RAD51B: variants seen among roughly 807,000 people sequenced by gnomAD.
RAD51B encodes the protein DNA repair protein RAD51 homolog 2.
Under a neutral mutation model 42.2 loss-of-function variants are expected in RAD51B, and 38 were observed. That is an observed-to-expected ratio of 0.90 (90% confidence interval 0.70 to 1.18). RAD51B has a LOEUF of 1.18. RAD51B is among the 50% of genes most tolerant of loss of function. RAD51B has a pLI of 0.00. For missense variants in RAD51B, 373 were observed against 400.7 expected, an observed-to-expected ratio of 0.93 and a Z score of 0.59; for synonymous variants, 154 against 145.2, an observed-to-expected ratio of 1.06 and a Z score of -0.43.
chr14:67,925,858 C>G (rs963386434), intron 7 of RAD51B, among the ~76,000 whole-genome samples: 1 of 152,210 alleles, frequency 6.6e-6, no homozygotes, highest in African/African-American at 2.4e-5. Flanking sequence ...GCGGCTTGCA[C>G]CCTCTGAAGC....
intron 7 of RAD51B, among the ~76,000 whole-genome samples, chr14:68,183,681 T>C (rs2079097237): frequency 6.6e-6 from 1 of 151,312 alleles, no homozygotes; most frequent in African/African-American, 2.5e-5. Context: ...GGCACGATGG[T>C]TCACACCTGT....
chr14:67,931,087 A>AT (rs914828934), intron 7 of RAD51B, among the ~76,000 whole-genome samples: 3 of 151,354 alleles, frequency 2.0e-5, no homozygotes, highest in African/African-American at 7.3e-5. Flanking sequence ...CGCCTGGCTA[A>AT]TTTTTTTGTA....
At chr14:68,033,508 T>C (rs1041239682) in intron 7 of RAD51B, among the ~76,000 whole-genome samples, 9 of 152,166 alleles carry the variant, frequency 5.9e-5, no homozygotes, top group African/African-American at 2.2e-4. Context: ...CCAGCTGTAT[T>C]TGGACAACAT....
chr14:68,501,813 C>A (rs1884939982), intron 10 of RAD51B, among the ~76,000 whole-genome samples: 1 of 152,268 alleles, frequency 6.6e-6, no homozygotes, highest in African/African-American at 2.4e-5. Context: ...AGCCCAGGTT[C>A]AGGCACAGGC....
chr14:68,536,667 A>G (rs1441315763), intron 10 of RAD51B, among the ~76,000 whole-genome samples: 1 of 152,222 alleles, frequency 6.6e-6, no homozygotes, highest in East Asian at 1.9e-4. Context: ...GTCTTCAAAA[A>G]TAAAAGTTCA....
At chr14:68,297,613 C>T (rs188394982) in intron 8 of RAD51B, among the ~76,000 whole-genome samples, 107 of 152,286 alleles carry the variant, frequency 7.0e-4, no homozygotes, top group African/African-American at 2.5e-3. Context: ...TAAAAATCCA[C>T]TCCTTGGGGG....
At chr14:68,550,655 A>T (rs546686018) in intron 10 of RAD51B, among the ~76,000 whole-genome samples, 2 of 152,318 alleles carry the variant, frequency 1.3e-5, no homozygotes, top group Admixed American at 1.3e-4. Context: ...ATGTTGTTTC[A>T]TGGTATTTGC....
At chr14:67,913,093 CTG>C (rs756158566) in intron 7 of RAD51B, among the ~76,000 whole-genome samples, 2 of 152,186 alleles carry the variant, frequency 1.3e-5, no homozygotes, top group African/African-American at 2.4e-5. Flanking sequence ...AAATCTTTGA[CTG>C]TTTGTCTTCA....
At chr14:68,066,586 C>T (rs2140454695) in intron 7 of RAD51B, among the ~76,000 whole-genome samples, 1 of 152,170 alleles carries the variant, frequency 6.6e-6, no homozygotes, top group East Asian at 1.9e-4. Flanking sequence ...GAAGGGAATA[C>T]AGAAACATAT....
chr14:68,495,580 G>A (rs952018312), intron 10 of RAD51B, among the ~76,000 whole-genome samples: 2 of 152,218 alleles, frequency 1.3e-5, no homozygotes, highest in Admixed American at 6.5e-5. Flanking sequence ...AAAGGAACTC[G>A]AAGCACGGGC....
intron 11 of RAD51B, among the ~76,000 whole-genome samples, chr14:68,658,678 G>T (rs1290637255): frequency 6.6e-6 from 1 of 152,134 alleles, no homozygotes; most frequent in Non-Finnish European, 1.5e-5. Context: ...CTGCCTCAGG[G>T]TTCTCCCTGC....
intron 7 of RAD51B, among the ~76,000 whole-genome samples, chr14:68,037,058 T>TCCTC (rs2076136869): frequency 1.8e-5 from 1 of 54,360 alleles, no homozygotes; most frequent in African/African-American, 8.9e-5. Context: ...CTTCCTTCCT[T>TCCTC]CCTCCCTCCC....
In RAD51B at chr14:68,538,756, C is replaced by T. The variant is rs1039513396; in HGVS notation, c.1037-55729C>T. Among the ~76,000 whole-genome samples the T allele has an allele frequency of 2.0e-5, 3 of 152,116 alleles. No homozygotes were observed. The South Asian group carries it at 6.2e-4, about 32-fold the overall frequency. The stretch of plus-strand genomic sequence containing the variant: ...TTACAGAAAATCATGGGCCTTCCTA[C>T]TTGTATGGCGAAAAAGAGCTGGGGC... On this transcript the variant is annotated intron_variant, in intron 10 of 10. Transcript: ENST00000487270.
At chr14:68,282,060 T>C (rs2081329211) in intron 7 of RAD51B, among the ~76,000 whole-genome samples, 1 of 151,908 alleles carries the variant, frequency 6.6e-6, no homozygotes, top group Admixed American at 6.6e-5. Context: ...TAGCTCACTG[T>C]AACCTCCACC....
intron 8 of RAD51B, among the ~76,000 whole-genome samples, chr14:68,315,698 AT>A (rs1387963362): frequency 1.6e-4 from 24 of 151,922 alleles, no homozygotes; most frequent in Non-Finnish European, 3.4e-4. Context: ...ATTTTTTTGT[AT>A]TTTTAGTAGA....
chr14:68,058,777 G>T (rs1247342939), intron 7 of RAD51B, among the ~76,000 whole-genome samples: 1 of 152,054 alleles, frequency 6.6e-6, no homozygotes, highest in South Asian at 2.1e-4. Context: ...TCTGAAAAAC[G>T]TAATTTCTAG....
chr14:68,025,476 C>CT (rs765471138), intron 7 of RAD51B, among the ~76,000 whole-genome samples: 2,396 of 40,720 alleles, frequency 0.059, 31 homozygotes, highest in Non-Finnish European at 0.082. Context: ...CTGGTCTAGG[C>CT]TTTTTTTTTT....
At chr14:67,968,085 C>T (rs1454422466) in intron 7 of RAD51B, among the ~76,000 whole-genome samples, 2 of 152,232 alleles carry the variant, frequency 1.3e-5, no homozygotes, top group African/African-American at 2.4e-5. Context: ...AGGTTTGGAG[C>T]TTGTACTCTC....
chr14:67,957,545 A>C (rs372374011), intron 7 of RAD51B, among the ~76,000 whole-genome samples: 1 of 152,198 alleles, frequency 6.6e-6, no homozygotes, highest in South Asian at 2.1e-4. Context: ...AGGACCAAAG[A>C]AATGAAGATG....
Sources: gnomAD v4.1 joint callset for allele counts (sites outside exome capture counted in the v4.1 genomes callset) on GRCh38, gnomAD v4.1.1 for gene constraint, MANE v1.5 for transcripts, NCBI Gene and HGNC (gene_info 2026-07-23, HGNC 2026-07-21) for gene names.